ADAMTS15: variants seen among roughly 807,000 people sequenced by gnomAD.
The protein encoded by ADAMTS15 is A disintegrin and metalloproteinase with thrombospondin motifs 15.
Under a neutral mutation model 79.1 loss-of-function variants are expected in ADAMTS15, and 35 were observed. That is an observed-to-expected ratio of 0.44 (90% CI 0.34 to 0.59). ADAMTS15 has a LOEUF of 0.59. Ranked by LOEUF, ADAMTS15 falls within the 20% of genes least tolerant of loss-of-function variation. The pLI is 0.02. For synonymous variants in ADAMTS15, 616 were observed against 567.3 expected (o/e 1.09, Z -1.22); for missense variants, 1,324 against 1,318.7 (o/e 1.00, Z -0.06).
rs576644347 is a variant in ADAMTS15, at chr11:130,476,398, C to G, written c.*2577C>G. 1 of 152,218 alleles carries G rather than the reference C, an allele frequency of 6.6e-6. No individual in the cohort carries two copies. The highest frequency in any genetic ancestry group is 6.5e-5 in the Admixed American group (1 of 15,272). 9.4% of individuals were successfully genotyped at this position (152,218 alleles called of 1,614,324 possible). On this transcript the variant is annotated 3_prime_UTR_variant, in exon 8 of 8. Transcript: ENST00000299164. ...ATGCTGGAGTGGGGTCTGGCAGGAG[C>G]TGATGACAGTTTGAGGGACTTGAGT...
At chr11:130,465,102 G>A (rs1477215949) in intron 4 of ADAMTS15, among the ~76,000 whole-genome samples, 1 of 152,040 alleles carries the variant, frequency 6.6e-6, no homozygotes, top group Non-Finnish European at 1.5e-5. Flanking sequence ...CTCCTGAACC[G>A]TTAGTTCACA....
chr11:130,471,185 T>G (rs755773261), intron 6 of ADAMTS15, 23 bp from the exon 7 acceptor site: 1 of 1,586,668 alleles, frequency 6.3e-7, no homozygotes, highest in Non-Finnish European at 8.6e-7. Flanking sequence ...CTTCCTTCTT[T>G]TTCCCCTTCT....
At chr11:130,460,879 G>C (rs899736423) in intron 1 of ADAMTS15, among the ~76,000 whole-genome samples, 9 of 152,182 alleles carry the variant, frequency 5.9e-5, no homozygotes, top group African/African-American at 2.2e-4. Context: ...CAGCCACTGA[G>C]CGTGTGTCCC....
chr11:130,473,546 C>A lies in ADAMTS15; in HGVS notation c.2578C>A (p.Gln860Lys). 1 of 1,604,050 alleles carries A rather than the reference C, an allele frequency of 6.2e-7. No homozygotes were observed. Among genetic ancestry groups the A allele is most frequent in the Non-Finnish European group, 8.5e-7 (1 of 1,174,442 alleles). ...CTCCGCGAGCTGCGGCAGTGGCCTG[C>A]AGAAGCGGGCGGTGGACTGCCGGGG... is the stretch of plus-strand genomic sequence containing the variant. ...PCSASCGSGLQKRAVDCRGSA... is the reference protein window; with the variant it reads ...PCSASCGSGLKKRAVDCRGSA... The change falls in exon 8 of 8, where the codon CAG becomes AAG. Residue 860 changes from glutamine (Q) to lysine (K), a missense_variant. By Grantham distance (53) the Gln-to-Lys change is moderately conservative (BLOSUM62 1). Coordinates refer to ENST00000299164, the MANE Select transcript of ADAMTS15 (RefSeq NM_139055.4).
At position 130,448,915 on chromosome 11, in the gene ADAMTS15, G is replaced by A; in HGVS notation, c.-59G>A. 7.6e-7 allele frequency: 1 copy of A among 1,319,076 alleles called. No individual in the cohort carries two copies. The highest frequency in any genetic ancestry group is 1.0e-6 in the Non-Finnish European group (1 of 1,002,908). The allele number at this position is 1,319,076 out of a possible 1,614,324, so 81.7% of individuals were successfully genotyped here. On this transcript the variant is annotated 5_prime_UTR_variant, in exon 1 of 8. Transcript: ENST00000299164. Reference sequence around the variant, plus strand: ...TGCGGGCTGCACGGAGACCGCGGCAGCGGCCGGAGAGCCCGGCCCAGCCCC... The same window carrying A: ...TGCGGGCTGCACGGAGACCGCGGCAACGGCCGGAGAGCCCGGCCCAGCCCC...
At position 130,468,939 on chromosome 11, in the gene ADAMTS15, C is replaced by CAAAAAAAAAAAAAAA. The variant is rs911391031; in HGVS notation, c.1543-310_1543-296dup. Among the ~76,000 whole-genome samples, 114 of 27,850 alleles carry CAAAAAAAAAAAAAAA rather than the reference C, an allele frequency of 4.1e-3. 8 individuals carry two copies. The highest frequency in any genetic ancestry group is 9.2e-3 in the African/African-American group (93 of 10,140). 18.3% of individuals were successfully genotyped at this position (27,850 alleles called of 152,430 possible). ...GCAAAAGAGGGAGACTCCACCTCAACAAAAAAAAAAAAAAAAAAAAAAAAA... is the reference window on the plus strand; with the variant it reads ...GCAAAAGAGGGAGACTCCACCTCAACAAAAAAAAAAAAAAAAAAAAAAAAAAAAAAAAAAAAAAAA... On this transcript the variant is annotated intron_variant, in intron 4 of 7. Coordinates refer to ENST00000299164, the MANE Select transcript of ADAMTS15 (RefSeq NM_139055.4).
At chr11:130,456,848 C>T (rs914126105) in intron 1 of ADAMTS15, among the ~76,000 whole-genome samples, 3 of 152,158 alleles carry the variant, frequency 2.0e-5, no homozygotes, top group Admixed American at 6.5e-5. Context: ...GTGATGTAGC[C>T]GCAGAGATGA....
In ADAMTS15 at chr11:130,472,027, A is replaced by G. The variant is rs1029174648; in HGVS notation, c.2078+644A>G. Among the ~76,000 whole-genome samples, 2 of 152,250 alleles carry G rather than the reference A, an allele frequency of 1.3e-5. No individual in the cohort carries two copies. The highest frequency in any genetic ancestry group is 1.9e-4 in the East Asian group (1 of 5,188). On this transcript the variant is annotated intron_variant, in intron 7 of 7. Transcript: ENST00000299164. This position sits in a 1 kb window ranked among gnomAD's most constrained non-coding sequence, Gnocchi z 4.7. ...TTCACGTCTTGGGCAATCCCTGGGC[A>G]TCTAGTCCCAACTTCAGAATCTGGG...
rs1228083899 is a variant in ADAMTS15 at position 130,474,986 on chromosome 11, C to G, written c.*1165C>G. On this transcript the variant is annotated 3_prime_UTR_variant, in exon 8 of 8. Coordinates refer to ENST00000299164, the MANE Select transcript of ADAMTS15 (RefSeq NM_139055.4). ...GGGCACGTCACGTTGCATCCTAGGC[C>G]TTAGCTTCTCCACTGTTTGCTACCT... 1 of 152,468 alleles carries G rather than the reference C, an allele frequency of 6.6e-6. No homozygotes were observed. Among genetic ancestry groups the G allele is most frequent in the East Asian group, 1.9e-4 (1 of 5,204 alleles). 9.4% of individuals were successfully genotyped at this position (152,468 alleles called of 1,614,324 possible).
intron 5 of ADAMTS15, among the ~76,000 whole-genome samples, chr11:130,469,760 T>C (rs890783014): frequency 8.5e-5 from 13 of 152,116 alleles, no homozygotes; most frequent in Admixed American, 2.6e-4. Context: ...AATGATACAC[T>C]AGAAGTCCTC....
chr11:130,469,587 C>G (rs1470745123), intron 5 of ADAMTS15, 148 bp downstream of exon 5: 4 of 623,514 alleles, frequency 6.4e-6, no homozygotes, highest in African/African-American at 3.8e-5. Context: ...ATCATGGATT[C>G]CTGCTGATGA....
chr11:130,449,450 C>T lies in ADAMTS15; in HGVS notation c.477C>T (p.Arg159=). Residue 159 remains arginine (R), a synonymous_variant, in exon 1 of 8, where the codon CGC becomes CGT. Coordinates refer to ENST00000299164, the MANE Select transcript of ADAMTS15 (RefSeq NM_139055.4). The surrounding 1 kb of genome is among the most constrained non-coding windows in gnomAD (Gnocchi z 7.8). ...GCCAGGGCGCACACCTTCTCCAGCG[C>T]CGGGGTGTTCCGGGCGGGCCTTCCG... is the stretch of plus-strand genomic sequence containing the variant. ...RNSQGAHLLQ[R]RGVPGGPSGD... 1.9e-6 allele frequency: 3 copies of T among 1,579,576 alleles called. No homozygotes were observed. The highest frequency in any genetic ancestry group is 2.2e-5 in the East Asian group (1 of 44,470).
At chr11:130,466,541 C>T (rs1938303184) in intron 4 of ADAMTS15, among the ~76,000 whole-genome samples, 2 of 152,196 alleles carry the variant, frequency 1.3e-5, no homozygotes, top group African/African-American at 4.8e-5. Flanking sequence ...TGGATACCAT[C>T]TTCAAGGCAG....
chr11:130,471,233 C>A lies in ADAMTS15; in HGVS notation c.1928C>A (p.Pro643His). ...GTGGTGGACGGCACGCTGTGCTCTC[C>A]TGACTCCACCTCCGTCTGTGTCCAA... ...PKVVDGTLCS[P>H]DSTSVCVQGK... is the part of the protein sequence containing the mutation. Residue 643 changes from proline (P) to histidine (H), a missense_variant, in exon 7 of 8, where the codon CCT becomes CAT. By Grantham distance (77) the Pro-to-His change is moderately conservative. Transcript: ENST00000299164. The A allele has an allele frequency of 6.2e-7, 1 of 1,607,520 alleles. No homozygotes were observed. The highest frequency in any genetic ancestry group is 8.5e-7 in the Non-Finnish European group (1 of 1,177,546).
At position 130,461,573 on chromosome 11, in the gene ADAMTS15, A is replaced by G; in HGVS notation, c.1042A>G (p.Ile348Val). The change falls in exon 2 of 8, where the codon ATT becomes GTT. Residue 348 changes from isoleucine (I) to valine (V), a missense_variant. Physicochemically the swap from Ile to Val is conservative, Grantham distance 29. Coordinates refer to ENST00000299164, the MANE Select transcript of ADAMTS15 (RefSeq NM_139055.4). ...MCDPKRSCSV[I>V]EDDGLPSAFT... Reference sequence around the variant, plus strand: ...TGACCCCAAGAGAAGCTGCTCTGTCATTGAGGACGATGGGCTTCCATCAGC... The same window carrying G: ...TGACCCCAAGAGAAGCTGCTCTGTCGTTGAGGACGATGGGCTTCCATCAGC... 1 of 1,614,128 alleles carries G rather than the reference A, an allele frequency of 6.2e-7. No homozygotes were observed. The highest frequency in any genetic ancestry group is 8.5e-7 in the Non-Finnish European group (1 of 1,180,024).
chr11:130,459,675 C>G (rs1400555344), intron 1 of ADAMTS15, among the ~76,000 whole-genome samples: 3 of 152,214 alleles, frequency 2.0e-5, no homozygotes, highest in African/African-American at 7.2e-5. Context: ...ATCACTGCCT[C>G]TGGTGCACCC....
chr11:130,449,373 T>G lies in ADAMTS15; in HGVS notation c.400T>G (p.Tyr134Asp). ...AGCCTTTGGCTACCGAGGCGCCGAG[T>G]ATGTCATTAGCCCGCTGCCCAATGC... ...RGAFGYRGAE[Y>D]VISPLPNASA... is the part of the protein sequence containing the mutation. Residue 134 changes from tyrosine (Y) to aspartate (D), a missense_variant, in exon 1 of 8, where the codon TAT (tyrosine) becomes GAT (aspartate). By Grantham distance (160) the Tyr-to-Asp change is radical. Coordinates refer to ENST00000299164, the MANE Select transcript of ADAMTS15 (RefSeq NM_139055.4). The surrounding 1 kb of genome is among the most constrained non-coding windows in gnomAD (Gnocchi z 7.8). The G allele has an allele frequency of 1.2e-6, 2 of 1,604,728 alleles. No homozygotes were observed. Among genetic ancestry groups the G allele is most frequent in the Non-Finnish European group, 1.7e-6 (2 of 1,179,884 alleles).
Position 130,448,909 on chromosome 11 carries a change from GCGGCAGCGGCCGGAGAGCC to G in ADAMTS15, c.-60_-42del. ...CCAGAGTGCGGGCTGCACGGAGACC[GCGGCAGCGGCCGGAGAGCC>G]CGGCCCAGCCCCTTCCCACAGCGCG... On this transcript the variant is annotated 5_prime_UTR_variant, in exon 1 of 8. Coordinates refer to ENST00000299164, the MANE Select transcript of ADAMTS15 (RefSeq NM_139055.4). 1.5e-6 allele frequency: 2 copies of G among 1,292,690 alleles called. No individual in the cohort carries two copies. The highest frequency in any genetic ancestry group is 5.3e-5 in the East Asian group (2 of 37,456). 80.1% of individuals were successfully genotyped at this position (1,292,690 alleles called of 1,614,324 possible).
At chr11:130,469,203 T>G in intron 4 of ADAMTS15, 59 bp from the exon 5 acceptor site, 1 of 1,345,728 alleles carries the variant, frequency 7.4e-7, no homozygotes, top group Non-Finnish European at 9.6e-7. Context: ...TTCTATGGGC[T>G]GAGGGGCTGG....
Sources: gnomAD v4.1 joint callset for allele counts (sites outside exome capture counted in the v4.1 genomes callset) on GRCh38, gnomAD v4.1.1 for gene constraint, Gnocchi (gnomAD v3.1) non-coding constraint, MANE v1.5 for transcripts, NCBI Gene and HGNC (gene_info 2026-07-23, HGNC 2026-07-21) for gene names.